Variants in SKAP1 observed in about 807,000 individuals in gnomAD.
SKAP1 encodes the protein src kinase-associated phosphoprotein 1.
A neutral mutation model predicts 58.5 loss-of-function variants in SKAP1; 44 were observed. That is an observed-to-expected ratio of 0.75 (90% confidence interval 0.59 to 0.97). SKAP1 has a LOEUF of 0.97. Among genes scored for constraint, SKAP1 ranks in the 50% least tolerant of loss-of-function variants. SKAP1 has a pLI of 0.00. For synonymous variants in SKAP1, 127 were observed against 149.7 expected (o/e 0.85, Z 1.11); for missense variants, 390 against 435.2 (o/e 0.90, Z 0.92).
At chr17:48,344,504 C>A (rs2066695665) in intron 4 of SKAP1, among the ~76,000 whole-genome samples, 1 of 152,046 alleles carries the variant, frequency 6.6e-6, no homozygotes, top group Admixed American at 6.5e-5. Flanking sequence ...AAATAAGTGA[C>A]CTAAGGATTA....
At chr17:48,330,540 T>G (rs1042764149) in intron 4 of SKAP1, among the ~76,000 whole-genome samples, 1 of 152,172 alleles carries the variant, frequency 6.6e-6, no homozygotes, top group East Asian at 1.9e-4. Context: ...AGGTTAAACA[T>G]ATGCATGAGA....
intron 4 of SKAP1, among the ~76,000 whole-genome samples, chr17:48,331,443 T>C (rs927300590): frequency 6.6e-5 from 10 of 152,186 alleles, no homozygotes; most frequent in Admixed American, 2.0e-4. Context: ...CTCACACCTG[T>C]AATCACAGCA....
At chr17:48,186,020 T>A (rs2064446462) in intron 6 of SKAP1, 1 of 152,042 alleles carries the variant, frequency 6.6e-6, no homozygotes, top group Non-Finnish European at 1.5e-5. Context: ...TCTCTCACCG[T>A]GAGTATGGAA....
intron 4 of SKAP1, among the ~76,000 whole-genome samples, chr17:48,197,914 T>G (rs1430974315): frequency 6.6e-6 from 1 of 152,182 alleles, no homozygotes; most frequent in African/African-American, 2.4e-5. Context: ...ATCTTCACTT[T>G]CCGTGGGATT....
At chr17:48,368,562 TTC>T (rs2067040286) in intron 2 of SKAP1, among the ~76,000 whole-genome samples, 1 of 152,218 alleles carries the variant, frequency 6.6e-6, no homozygotes, top group Non-Finnish European at 1.5e-5. Flanking sequence ...TTCTTTAATC[TTC>T]TCTTTGAAGC....
chr17:48,184,745 G>A lies in SKAP1; in HGVS notation c.545C>T (p.Ser182Phe), dbSNP rs1208809418. Residue 182 changes from serine to phenylalanine, a missense_variant, in exon 7 of 13, where the codon TCC becomes TTC. Transcript: ENST00000336915. ...SKKESCFELT[S>F]QDRRSYEFTA... ...TACCTCATAGCTGCGCCTATCCTGG[G>A]AGGTCAGTTCAAAGCAGGATTCTTT... The A allele has an allele frequency of 6.2e-7, 1 of 1,614,056 alleles. No homozygotes were observed. Among genetic ancestry groups the A allele is most frequent in the Non-Finnish European group, 8.5e-7 (1 of 1,179,960 alleles).
chr17:48,187,810 T>C (rs1056480997), intron 6 of SKAP1, 33 bp downstream of exon 6: 6 of 1,440,704 alleles, frequency 4.2e-6, no homozygotes, highest in Non-Finnish European at 5.9e-6. Context: ...CATCCAGGAG[T>C]GAGATGCTGC....
At chr17:48,345,844 T>A in intron 4 of SKAP1, 61 bp downstream of exon 4, 1 of 1,169,306 alleles carries the variant, frequency 8.6e-7, no homozygotes, top group East Asian at 2.4e-5. Context: ...AAGGCAAAGA[T>A]GTCAGGCCAG....
chr17:48,433,030 C>T (rs1049866716), upstream of SKAP1, among the ~76,000 whole-genome samples: 3 of 152,158 alleles, frequency 2.0e-5, no homozygotes, highest in African/African-American at 7.2e-5. Context: ...GATTCCAATA[C>T]GGTATTGTCA....
the SKAP1 span, among the ~76,000 whole-genome samples, chr17:48,435,298 C>A: frequency 1.3e-5 from 2 of 151,860 alleles, no homozygotes; most frequent in Non-Finnish European, 2.9e-5. Context: ...CACTGCTGAG[C>A]CCAGCAGAGG....
chr17:48,190,544 C>T (rs2064526903), intron 4 of SKAP1, among the ~76,000 whole-genome samples: 2 of 152,142 alleles, frequency 1.3e-5, no homozygotes, highest in African/African-American at 4.8e-5. Flanking sequence ...ACGTAGTCAC[C>T]TAAGAGGGAG....
At chr17:48,333,467 A>T (rs2066530159) in intron 4 of SKAP1, among the ~76,000 whole-genome samples, 1 of 152,138 alleles carries the variant, frequency 6.6e-6, no homozygotes, top group Non-Finnish European at 1.5e-5. Flanking sequence ...ACTGGAATTG[A>T]TAGGAACTTT....
rs568924289 is a variant in SKAP1 at position 48,355,041 on chromosome 17, C to T, written c.178+8748G>A. 2.0e-5 allele frequency among the ~76,000 whole-genome samples: 3 copies of T among 152,266 alleles called. No homozygotes were observed. The South Asian group carries it at 6.2e-4, about 32-fold the overall frequency. The stretch of plus-strand genomic sequence containing the variant: ...TTTCTGTGTTAGTCCAGGAATAATA[C>T]CTTCTAAGAGAAATCATTTATAAGT... On this transcript the variant is annotated intron_variant, in intron 3 of 12. Coordinates refer to ENST00000336915, the MANE Select transcript of SKAP1 (RefSeq NM_003726.4).
chr17:48,416,815 C>T (rs16956479), intron 1 of SKAP1, among the ~76,000 whole-genome samples: 26,259 of 152,124 alleles, frequency 0.17, 2,321 homozygotes, highest in Non-Finnish European at 0.19. Context: ...GTCACAGGTA[C>T]ACTGAAGTTA....
chr17:48,282,773 T>C (rs2065783301), intron 4 of SKAP1, among the ~76,000 whole-genome samples: 1 of 151,082 alleles, frequency 6.6e-6, no homozygotes, highest in Non-Finnish European at 1.5e-5. Context: ...CAAGATCTGG[T>C]CTCAAAAAAA....
rs756803493 is a variant in SKAP1, at chr17:48,430,126, T to A, written c.-6A>T. 113 of 1,252,936 alleles carry A rather than the reference T, an allele frequency of 9.0e-5. No individual in the cohort carries two copies. The highest frequency in any genetic ancestry group is 1.3e-4 in the Admixed American group (3 of 23,574). The allele number at this position is 1,252,936 out of a possible 1,614,324, so 77.6% of individuals were successfully genotyped here. ...GGGAGGGCGGCGGCCTGCATTTGGC[T>A]GGGCGGGAGAGAGGCGGGACGGGGC... On this transcript the variant is annotated 5_prime_UTR_variant, in exon 1 of 13. Coordinates refer to ENST00000336915, the MANE Select transcript of SKAP1 (RefSeq NM_003726.4).
intron 2 of SKAP1, among the ~76,000 whole-genome samples, chr17:48,392,269 C>T (rs1459476348): frequency 6.6e-6 from 1 of 152,202 alleles, no homozygotes; most frequent in Non-Finnish European, 1.5e-5. Context: ...AGGTTAGCCA[C>T]CCACAAATGA....
At chr17:48,186,266 C>T (rs895618133) in intron 6 of SKAP1, among the ~76,000 whole-genome samples, 1 of 151,950 alleles carries the variant, frequency 6.6e-6, no homozygotes, top group Non-Finnish European at 1.5e-5. Flanking sequence ...GGACTTGTAG[C>T]TCAGTTTACA....
chr17:48,382,710 T>C (rs893541157), intron 2 of SKAP1: 1 of 152,226 alleles, frequency 6.6e-6, no homozygotes, highest in Non-Finnish European at 1.5e-5. Context: ...TTGCCTGTAA[T>C]AGTGGTTCAA....
Sources: allele counts gnomAD v4.1 joint callset (sites outside exome capture counted in the v4.1 genomes callset), GRCh38; gene constraint gnomAD v4.1.1; transcripts MANE v1.5; gene names NCBI Gene and HGNC (gene_info 2026-07-23, HGNC 2026-07-21).